The following CCSER2 variants were observed in gnomAD, a reference collection of about 807,000 sequenced individuals.
The protein encoded by CCSER2 is coiled-coil serine rich protein 2, also known as serine-rich coiled-coil domain-containing protein 2.
CCSER2 carries 46 observed loss-of-function variants against 92.3 expected under a neutral mutation model. The observed-to-expected ratio is 0.50, with a 90% CI of 0.39 to 0.64. The LOEUF is 0.64. Among genes scored for constraint, CCSER2 ranks in the 30% least tolerant of loss-of-function variants. The probability of loss-of-function intolerance (pLI) is 0.00; values close to 1 mark genes in which losing one functional copy is unlikely to be tolerated. For synonymous variants in CCSER2, 433 were observed against 431.4 expected, an observed-to-expected ratio of 1.00 and a Z score of -0.04; for missense variants, 1,244 against 1,238.9, an observed-to-expected ratio of 1.00 and a Z score of -0.06.
intron 6 of CCSER2, among the ~76,000 whole-genome samples, chr10:84,442,120 A>G (rs1844607804): frequency 1.3e-5 from 2 of 152,134 alleles, no homozygotes; most frequent in South Asian, 4.1e-4. Flanking sequence ...GGGGTCATAA[A>G]TGTATGTTTT....
At chr10:84,376,253 G>A (rs1392358465) in intron 3 of CCSER2, among the ~76,000 whole-genome samples, 3 of 152,108 alleles carry the variant, frequency 2.0e-5, no homozygotes, top group South Asian at 2.1e-4. Context: ...TCTGATTTAC[G>A]TACAGTAAAA....
chr10:84,473,822 C>T (rs537439510), intron 8 of CCSER2, among the ~76,000 whole-genome samples: 1 of 152,188 alleles, frequency 6.6e-6, no homozygotes, highest in East Asian at 1.9e-4. Flanking sequence ...TCACCTCTCT[C>T]TAGTGCTTTC....
chr10:84,503,268 C>T (rs1483498176), intron 9 of CCSER2, among the ~76,000 whole-genome samples: 1 of 151,996 alleles, frequency 6.6e-6, no homozygotes, highest in Non-Finnish European at 1.5e-5. Flanking sequence ...ATGGAAGGTT[C>T]TGGCCTTTAT....
At chr10:84,512,395 TGAGA>T (rs889502745) in intron 9 of CCSER2, among the ~76,000 whole-genome samples, 2 of 129,740 alleles carry the variant, frequency 1.5e-5, no homozygotes, top group East Asian at 2.4e-4. Context: ...TGTGTGTGTG[TGAGA>T]GAGAGAGAGA....
At chr10:84,393,975 CGAATA>C (rs1841677259) in intron 3 of CCSER2, 1 of 152,088 alleles carries the variant, frequency 6.6e-6, no homozygotes, top group Admixed American at 6.5e-5. Flanking sequence ...AAAATTTGAA[CGAATA>C]GAAGGGAGCT....
chr10:84,339,629 C>A (rs912557267), intron 1 of CCSER2, among the ~76,000 whole-genome samples: 1 of 151,960 alleles, frequency 6.6e-6, no homozygotes, highest in African/African-American at 2.4e-5. Flanking sequence ...GCATGCGCCA[C>A]CACGCCTGGC....
At chr10:84,338,659 T>G (rs1017651027) in intron 1 of CCSER2, among the ~76,000 whole-genome samples, 2 of 152,248 alleles carry the variant, frequency 1.3e-5, no homozygotes, top group Non-Finnish European at 2.9e-5. Flanking sequence ...GTTATGGTAG[T>G]TTTACCTTTT....
At chr10:84,429,411 T>G (rs34255862) in intron 5 of CCSER2, among the ~76,000 whole-genome samples, 8,871 of 152,258 alleles carry the variant, frequency 0.058, 371 homozygotes, top group Admixed American at 0.1. Flanking sequence ...GAAGGTGTGT[T>G]AGCAATAAAT....
intron 3 of CCSER2, among the ~76,000 whole-genome samples, chr10:84,386,031 T>G (rs1841185811): frequency 6.6e-6 from 1 of 151,858 alleles, no homozygotes; most frequent in Non-Finnish European, 1.5e-5. Context: ...CACAGAGAGA[T>G]TCTACCTCAC....
intron 9 of CCSER2, among the ~76,000 whole-genome samples, chr10:84,489,113 A>G (rs1847987132): frequency 6.6e-6 from 1 of 152,156 alleles, no homozygotes; most frequent in South Asian, 2.1e-4. Flanking sequence ...ACTGTTTGTT[A>G]TAGTTTCTGT....
chr10:84,416,124 G>C (rs1366895258), intron 3 of CCSER2, among the ~76,000 whole-genome samples: 1 of 152,166 alleles, frequency 6.6e-6, no homozygotes, highest in Non-Finnish European at 1.5e-5. Flanking sequence ...AAGACCTGTG[G>C]GAGAAGTGTG....
intron 9 of CCSER2, among the ~76,000 whole-genome samples, chr10:84,495,788 G>T (rs11591975): frequency 0.16 from 18,099 of 110,180 alleles, 1,398 homozygotes; most frequent in Admixed American, 0.27. Context: ...TTTTTTTTTT[G>T]GCGTGGTATA....
At chr10:84,484,627 T>C (rs1415931446) in intron 9 of CCSER2, among the ~76,000 whole-genome samples, 1 of 152,178 alleles carries the variant, frequency 6.6e-6, no homozygotes, top group Non-Finnish European at 1.5e-5. Context: ...ACATTGGTGT[T>C]TAAATAAGTG....
chr10:84,491,316 T>C (rs1848149497), intron 9 of CCSER2, among the ~76,000 whole-genome samples: 1 of 152,202 alleles, frequency 6.6e-6, no homozygotes, highest in African/African-American at 2.4e-5. Context: ...GCCTTTTGTT[T>C]GGCTGTGCCC....
At position 84,348,256 on chromosome 10, in the gene CCSER2, G is replaced by A. The variant is rs549577362; in HGVS notation, c.-40+19448G>A. Among the ~76,000 whole-genome samples the A allele has an allele frequency of 3.9e-5, 6 of 152,332 alleles. No homozygotes were observed. In the East Asian group the frequency reaches 5.8e-4, roughly 15 times the overall value. On this transcript the variant is annotated intron_variant, in intron 1 of 9. Transcript: ENST00000372088. ...ACTCGCGGTTAGGAGCTGGAGACCC[G>A]CCCGGCCAACACAGCGAAACCCCGT...
intron 1 of CCSER2, among the ~76,000 whole-genome samples, chr10:84,330,555 T>C (rs1843507089): frequency 1.3e-5 from 2 of 152,172 alleles, no homozygotes; most frequent in African/African-American, 2.4e-5. Context: ...CACTGTGGCC[T>C]GGGCTGGAGT....
intron 6 of CCSER2, among the ~76,000 whole-genome samples, chr10:84,448,734 C>G (rs998152117): frequency 1.3e-5 from 2 of 152,206 alleles, no homozygotes; most frequent in Admixed American, 6.5e-5. Context: ...CCTTTGCAGT[C>G]AGTTCTTTCT....
At chr10:84,448,711 G>T (rs1845081129) in intron 6 of CCSER2, among the ~76,000 whole-genome samples, 1 of 152,140 alleles carries the variant, frequency 6.6e-6, no homozygotes, top group Non-Finnish European at 1.5e-5. Context: ...TACTGATAAA[G>T]TTCCTTCATT....
chr10:84,395,579 C>T (rs555628037), intron 3 of CCSER2, among the ~76,000 whole-genome samples: 2 of 152,164 alleles, frequency 1.3e-5, no homozygotes, highest in Admixed American at 6.5e-5. Flanking sequence ...AATCTTTTAT[C>T]CCTTTCCTGG....
Sources: allele counts gnomAD v4.1 joint callset (sites outside exome capture counted in the v4.1 genomes callset), GRCh38; gene constraint gnomAD v4.1.1; transcripts MANE v1.5; gene names NCBI Gene and HGNC (gene_info 2026-07-23, HGNC 2026-07-21).